PRKCA: variants seen among roughly 807,000 people sequenced by gnomAD.
PRKCA encodes protein kinase C alpha type.
PRKCA carries 27 observed loss-of-function variants against 87.0 expected under a neutral mutation model. The observed-to-expected ratio is 0.31, with a 90% CI of 0.23 to 0.43. The LOEUF is 0.43. Ranked by LOEUF, PRKCA falls within the 20% of genes least tolerant of loss-of-function variation. The probability of loss-of-function intolerance (pLI) is 1.00; values close to 1 mark genes in which losing one functional copy is unlikely to be tolerated. For missense variants in PRKCA, 518 were observed against 852.3 expected (o/e 0.61, Z 4.88); for synonymous variants, 329 against 311.1 (o/e 1.06, Z -0.61).
At chr17:66,646,378 G>T (rs750705180) in intron 5 of PRKCA, among the ~76,000 whole-genome samples, 1 of 152,154 alleles carries the variant, frequency 6.6e-6, no homozygotes, top group Non-Finnish European at 1.5e-5. Context: ...GTGTCCTCAA[G>T]ATGGCTTGAG....
At chr17:66,794,594 G>GTT (rs79609604) in intron 16 of PRKCA, among the ~76,000 whole-genome samples, 1 of 142,562 alleles carries the variant, frequency 7.0e-6, no homozygotes. Flanking sequence ...GTGTTATATT[G>GTT]TTTTTTTTGT....
chr17:66,494,936 C>T (rs1175806208), intron 2 of PRKCA, among the ~76,000 whole-genome samples: 2 of 151,908 alleles, frequency 1.3e-5, no homozygotes, highest in African/African-American at 4.8e-5. Flanking sequence ...AACCGTGTCT[C>T]TACAAAAATG....
At chr17:66,612,356 G>A (rs1567931042) in intron 3 of PRKCA, among the ~76,000 whole-genome samples, 1 of 147,164 alleles carries the variant, frequency 6.8e-6, no homozygotes, top group Non-Finnish European at 1.5e-5. Context: ...GCTCCAGCCT[G>A]GGCAACAAGA....
At position 66,808,188 on chromosome 17, in the gene PRKCA, G is replaced by A. The variant is rs772439356; in HGVS notation, c.*4151G>A. 6.6e-5 allele frequency: 10 copies of A among 152,176 alleles called. No homozygotes were observed. Among genetic ancestry groups the A allele is most frequent in the African/African-American group, 9.7e-5 (4 of 41,436 alleles). The allele number at this position is 152,176 out of a possible 1,614,324, so 9.4% of individuals were successfully genotyped here. On this transcript the variant is annotated 3_prime_UTR_variant, in exon 17 of 17. Coordinates refer to ENST00000413366, the MANE Select transcript of PRKCA (RefSeq NM_002737.3). ...ATTTTCCTCTCTGGCTTCCTGCCAA[G>A]AATTATGGCAGCTGAGGATGAATGG...
At chr17:66,457,345 G>A (rs904163468) in intron 2 of PRKCA, among the ~76,000 whole-genome samples, 4 of 152,096 alleles carry the variant, frequency 2.6e-5, no homozygotes, top group East Asian at 1.9e-4. Flanking sequence ...GGGGATGGTC[G>A]TGGAGCCTGG....
chr17:66,319,730 T>C (rs1194545329), intron 2 of PRKCA, among the ~76,000 whole-genome samples: 1 of 125,966 alleles, frequency 7.9e-6, no homozygotes, highest in Non-Finnish European at 1.7e-5. Context: ...TGAATTCATA[T>C]ACTTCTTTTT....
intron 2 of PRKCA, among the ~76,000 whole-genome samples, chr17:66,418,845 G>A (rs1912327485): frequency 6.6e-6 from 1 of 152,018 alleles, no homozygotes; most frequent in African/African-American, 2.4e-5. Context: ...TCCGCCTTCT[G>A]TGTTCACGCC....
intron 16 of PRKCA, among the ~76,000 whole-genome samples, chr17:66,798,091 C>T (rs916295239): frequency 9.9e-5 from 15 of 152,118 alleles, no homozygotes; most frequent in Non-Finnish European, 1.8e-4. Context: ...TGAGGAGTGG[C>T]GGGAGGCTGC....
At chr17:66,681,889 T>C (rs1435034430) in intron 5 of PRKCA, among the ~76,000 whole-genome samples, 3 of 152,206 alleles carry the variant, frequency 2.0e-5, no homozygotes, top group African/African-American at 7.2e-5. Context: ...AGGGAAAGCA[T>C]AGCGGTCACT....
chr17:66,778,016 C>G (rs1240713414), intron 14 of PRKCA: 1 of 985,278 alleles, frequency 1.0e-6, no homozygotes, highest in Non-Finnish European at 1.2e-6. Context: ...TGGCCTCAGA[C>G]CTCATTTGCA....
chr17:66,662,246 C>T (rs574142427), intron 5 of PRKCA, among the ~76,000 whole-genome samples: 10 of 152,270 alleles, frequency 6.6e-5, no homozygotes, highest in Admixed American at 1.3e-4. Flanking sequence ...TCCGTCCAAA[C>T]GAAAGCACTT....
chr17:66,482,098 CAAA>C (rs58719328), intron 2 of PRKCA, among the ~76,000 whole-genome samples: 15 of 89,342 alleles, frequency 1.7e-4, no homozygotes, highest in East Asian at 6.1e-4. Context: ...AAGACTGTCT[CAAA>C]AAAAAAAAAA....
chr17:66,629,691 A>G (rs907322376), intron 3 of PRKCA, among the ~76,000 whole-genome samples: 9 of 152,192 alleles, frequency 5.9e-5, no homozygotes, highest in Admixed American at 5.9e-4. Context: ...GTGCTAAAAA[A>G]ATGGTATCAC....
intron 1 of PRKCA, among the ~76,000 whole-genome samples, chr17:66,303,635 C>T (rs950170222): frequency 2.0e-5 from 3 of 151,976 alleles, no homozygotes; most frequent in Admixed American, 6.6e-5. Context: ...AGAGAGCAAA[C>T]TGTTGAAAGC....
intron 2 of PRKCA, among the ~76,000 whole-genome samples, chr17:66,374,273 C>G (rs886938463): frequency 6.6e-6 from 1 of 152,166 alleles, no homozygotes; most frequent in Non-Finnish European, 1.5e-5. Flanking sequence ...CATGTGTCCC[C>G]GCTTTGCCAG....
chr17:66,648,920 C>T (rs1971518638), intron 5 of PRKCA, among the ~76,000 whole-genome samples: 2 of 151,812 alleles, frequency 1.3e-5, no homozygotes. Context: ...TGGTAAAACC[C>T]CATCTCTACT....
chr17:66,788,161 A>G (rs757015033), intron 15 of PRKCA, among the ~76,000 whole-genome samples: 2 of 152,202 alleles, frequency 1.3e-5, no homozygotes, highest in Non-Finnish European at 2.9e-5. Flanking sequence ...ATGGAGTACA[A>G]TATACCCTTA....
At position 66,469,610 on chromosome 17, in the gene PRKCA, T is replaced by C. The variant is rs73332701; in HGVS notation, c.206-26591T>C. 0.015 allele frequency among the ~76,000 whole-genome samples: 2,215 copies of C among 152,330 alleles called. 122 individuals carry two copies. In the East Asian group the frequency reaches 0.2, roughly 14 times the overall value. On this transcript the variant is annotated intron_variant, in intron 2 of 16. Transcript: ENST00000413366. ...TTGGGATTTACTAGCATGTGATACCTTGTAAAGGACATTTTACATTAAATT... is the reference window on the plus strand; with the variant it reads ...TTGGGATTTACTAGCATGTGATACCCTGTAAAGGACATTTTACATTAAATT...
At chr17:66,732,635 C>G in intron 8 of PRKCA, 53 bp from the exon 9 acceptor site, 1 of 1,610,996 alleles carries the variant, frequency 6.2e-7, no homozygotes, top group Non-Finnish European at 8.5e-7. Flanking sequence ...GTTTCTGTCA[C>G]TCTTTCCCCA....
Sources: allele counts gnomAD v4.1 joint callset (sites outside exome capture counted in the v4.1 genomes callset), GRCh38; gene constraint gnomAD v4.1.1; transcripts MANE v1.5; gene names NCBI Gene and HGNC (gene_info 2026-07-23, HGNC 2026-07-21).